SDCBP2: variants seen among roughly 807,000 people sequenced by gnomAD.
SDCBP2 encodes syntenin-2.
A neutral mutation model predicts 30.7 loss-of-function variants in SDCBP2; 28 were observed. That is an observed-to-expected ratio of 0.91 (90% CI 0.68 to 1.25). The LOEUF is 1.25. SDCBP2 is among the 50% of genes most tolerant of loss of function. The pLI, the probability that SDCBP2 is intolerant of heterozygous loss-of-function variation, is 0.00. For missense variants in SDCBP2, 399 were observed against 379.0 expected (o/e 1.05, Z -0.44); for synonymous variants, 166 against 157.3 (o/e 1.06, Z -0.41).
intron 4 of SDCBP2, chr20:1,317,861 T>G: frequency 3.1e-6 from 1 of 326,174 alleles, no homozygotes; most frequent in Non-Finnish European, 6.0e-6. Context: ...AAATATGTTT[T>G]CAGTGGCATA....
At chr20:1,326,469 C>T (rs991100848) in intron 1 of SDCBP2, among the ~76,000 whole-genome samples, 1 of 152,222 alleles carries the variant, frequency 6.6e-6, no homozygotes, top group Non-Finnish European at 1.5e-5. Context: ...TAGGTTGAGT[C>T]CTAAAAGTCA....
In SDCBP2 at chr20:1,320,319, G is replaced by A; in HGVS notation, c.54+44C>T. The A allele has an allele frequency of 6.3e-7, 1 of 1,578,552 alleles. No individual in the cohort carries two copies. Among genetic ancestry groups the A allele is most frequent in the Non-Finnish European group, 8.7e-7 (1 of 1,150,684 alleles). On this transcript the variant is annotated intron_variant, in intron 2 of 8. Coordinates refer to ENST00000360779, the MANE Select transcript of SDCBP2 (RefSeq NM_080489.5). The surrounding 1 kb of genome is among the most constrained non-coding windows in gnomAD (Gnocchi z 4.7). ...CAGCACCTTCCAGGGTAATCCCCAAGGTCCCCTTCAGGGAATCCAGGCCAA... is the reference window on the plus strand; with the variant it reads ...CAGCACCTTCCAGGGTAATCCCCAAAGTCCCCTTCAGGGAATCCAGGCCAA...
chr20:1,327,579 A>G (rs866463721), intron 1 of SDCBP2, among the ~76,000 whole-genome samples: 3 of 152,262 alleles, frequency 2.0e-5, no homozygotes, highest in Non-Finnish European at 4.4e-5. Flanking sequence ...TTCCTCAAGC[A>G]GACACGCCTG....
In SDCBP2 at chr20:1,313,516, C is replaced by T; in HGVS notation, c.226-18G>A. The T allele has an allele frequency of 6.4e-7, 1 of 1,565,584 alleles. No homozygotes were observed. The highest frequency in any genetic ancestry group is 8.6e-7 in the Non-Finnish European group (1 of 1,160,406). ...ACCGCTGTCTGCAGACACCAGGGGG[C>T]AGGGGGTCAGCCCGGCCCGTGGGGA... On this transcript the variant is annotated intron_variant, in intron 4 of 8. Transcript: ENST00000360779. This position sits in a 1 kb window ranked among gnomAD's most constrained non-coding sequence, Gnocchi z 5.2.
In SDCBP2 at chr20:1,318,341, G is replaced by C. The variant is rs2088808520; in HGVS notation, c.202C>G (p.Leu68Val). Reference protein sequence around the residue: ...LSSQEVQESLLQIPEGDSTAV... With the variant: ...LSSQEVQESLVQIPEGDSTAV... Reference sequence around the variant, plus strand: ...ACACTGTCACCCTCTGGAATCTGAAGCAGGCTCTCCTGGACTTCTTGGCTG... The same window carrying C: ...ACACTGTCACCCTCTGGAATCTGAACCAGGCTCTCCTGGACTTCTTGGCTG... Residue 68 changes from leucine (L) to valine (V), a missense_variant, in exon 4 of 9, where the codon CTT becomes GTT. Transcript: ENST00000360779. 7 of 1,613,696 alleles carry C rather than the reference G, an allele frequency of 4.3e-6. No homozygotes were observed. The highest frequency in any genetic ancestry group is 5.9e-6 in the Non-Finnish European group (7 of 1,179,672).
In SDCBP2 at chr20:1,312,496, C is replaced by A. The variant is rs1359905292; in HGVS notation, c.573G>T (p.Arg191=). ...TGCTGTCCTTGTGCATGGTGACAGT[C>A]CGCTGGAACGGCCTGGCAGGAGGGA... is the stretch of plus-strand genomic sequence containing the variant. ...VVVVRDRPFQ[R]TVTMHKDSMG... is the part of the protein sequence containing the mutation. Residue 191 remains arginine, a synonymous_variant, in exon 7 of 9, where the codon CGG becomes CGT. Transcript: ENST00000360779. 1 of 1,614,158 alleles carries A rather than the reference C, an allele frequency of 6.2e-7. No homozygotes were observed. The highest frequency in any genetic ancestry group is 1.7e-5 in the Admixed American group (1 of 60,024).
chr20:1,314,548 G>T (rs1419647620), intron 4 of SDCBP2, among the ~76,000 whole-genome samples: 1 of 52,814 alleles, frequency 1.9e-5, no homozygotes, highest in Non-Finnish European at 3.9e-5. Context: ...GAAAGGAAAA[G>T]AAAAGAAAAG....
chr20:1,317,471 A>C (rs2088794358), intron 4 of SDCBP2: 1 of 152,310 alleles, frequency 6.6e-6, no homozygotes, highest in Non-Finnish European at 1.5e-5. Context: ...TATAGGAACA[A>C]AGAGTGATGA....
At position 1,318,426 on chromosome 20, in the gene SDCBP2, G is replaced by A. The variant is rs757328721; in HGVS notation, c.125-8C>T. On this transcript the variant is annotated splice_polypyrimidine_tract_variant and splice_region_variant and intron_variant, in intron 3 of 8. Coordinates refer to ENST00000360779, the MANE Select transcript of SDCBP2 (RefSeq NM_080489.5). ...CCAAGTTTGGGTACAAAACTGATAG[G>A]GAAAGAAGGAAGAATAAATGTGTCA... is the stretch of plus-strand genomic sequence containing the variant. 1.9e-4 allele frequency: 300 copies of A among 1,547,160 alleles called. 5 individuals carry two copies. The South Asian group carries it at 3.2e-3, about 17-fold the overall frequency.
intron 1 of SDCBP2, chr20:1,322,289 TC>T (rs1457963735): frequency 6.6e-6 from 1 of 152,252 alleles, no homozygotes; most frequent in Non-Finnish European, 1.5e-5. Flanking sequence ...CTGCTCCATG[TC>T]CTACTCCTGT....
chr20:1,310,464 C>T lies in SDCBP2; in HGVS notation c.856G>A (p.Asp286Asn). ...LPPVLLHHTMDHSIPDA is the reference protein window; with the variant it reads ...LPPVLLHHTMNHSIPDA ...CTTCAGGCATCTGGGATGGAGTGGT[C>T]CATGGTGTGGTGGAGCAGGACTGGA... Residue 286 changes from aspartate to asparagine, a missense_variant, in exon 9 of 9, where the codon GAC (aspartate) becomes AAC (asparagine). Asp to Asn is a conservative substitution (Grantham distance 23). Coordinates refer to ENST00000360779, the MANE Select transcript of SDCBP2 (RefSeq NM_080489.5). 2 of 1,613,656 alleles carry T rather than the reference C, an allele frequency of 1.2e-6. No individual in the cohort carries two copies. The highest frequency in any genetic ancestry group is 1.7e-6 in the Non-Finnish European group (2 of 1,179,978).
intron 1 of SDCBP2, chr20:1,325,657 C>T (rs2088913561): frequency 6.6e-6 from 1 of 152,206 alleles, no homozygotes; most frequent in Non-Finnish European, 1.5e-5. Flanking sequence ...TTTGTAGCCT[C>T]TGAAGGAGGA....
Position 1,320,272 on chromosome 20 carries a change from A to G in SDCBP2, c.54+91T>C. The G allele has an allele frequency of 8.4e-7, 1 of 1,186,224 alleles. No individual in the cohort carries two copies. The highest frequency in any genetic ancestry group is 1.2e-6 in the Non-Finnish European group (1 of 818,796). The allele number at this position is 1,186,224 out of a possible 1,614,324, so 73.5% of individuals were successfully genotyped here. On this transcript the variant is annotated intron_variant, in intron 2 of 8. Transcript: ENST00000360779. This position sits in a 1 kb window ranked among gnomAD's most constrained non-coding sequence, Gnocchi z 4.7. ...CCTACATGCCCTGAGGCCTACGGGAATCTCCAAGTGGCCCCAGTACCCAGC... is the reference window on the plus strand; with the variant it reads ...CCTACATGCCCTGAGGCCTACGGGAGTCTCCAAGTGGCCCCAGTACCCAGC...
chr20:1,310,460 T>A lies in SDCBP2; in HGVS notation c.860A>T (p.His287Leu), dbSNP rs201959011. The change falls in exon 9 of 9, where the codon CAC becomes CTC. Residue 287 changes from histidine to leucine, a missense_variant. Coordinates refer to ENST00000360779, the MANE Select transcript of SDCBP2 (RefSeq NM_080489.5). ...GTGGCTTCAGGCATCTGGGATGGAG[T>A]GGTCCATGGTGTGGTGGAGCAGGAC... ...PPVLLHHTMD[H>L]SIPDA 1.4e-5 allele frequency: 22 copies of A among 1,613,214 alleles called. No homozygotes were observed. In the East Asian group the frequency reaches 4.7e-4, roughly 34 times the overall value.
chr20:1,313,466 C>A lies in SDCBP2; in HGVS notation c.258G>T (p.Met86Ile). 1 of 1,598,932 alleles carries A rather than the reference C, an allele frequency of 6.3e-7. No individual in the cohort carries two copies. Among genetic ancestry groups the A allele is most frequent in the East Asian group, 2.3e-5 (1 of 44,408 alleles). Residue 86 changes from methionine to isoleucine, a missense_variant, in exon 5 of 9, where the codon ATG becomes ATT. Coordinates refer to ENST00000360779, the MANE Select transcript of SDCBP2 (RefSeq NM_080489.5). The surrounding 1 kb of genome is among the most constrained non-coding windows in gnomAD (Gnocchi z 5.2). ...TAVSGPGPGQMVAPVTGYSLG... is the reference protein window; with the variant it reads ...TAVSGPGPGQIVAPVTGYSLG... ...GGCTGTACCCGGTTACCGGTGCCACCATCTGGCCGGGCCCGGGGCCCGAGA... is the reference window on the plus strand; with the variant it reads ...GGCTGTACCCGGTTACCGGTGCCACAATCTGGCCGGGCCCGGGGCCCGAGA...
Position 1,310,176 on chromosome 20 carries a change from C to G in SDCBP2, c.*265G>C. ...GCGACTTTAAGCAGCGTTTAAACAG[C>G]CTGCCTCCGTGTCCAGCATTTAAAT... On this transcript the variant is annotated 3_prime_UTR_variant, in exon 9 of 9. Transcript: ENST00000360779. 1 of 385,848 alleles carries G rather than the reference C, an allele frequency of 2.6e-6. No homozygotes were observed. Among genetic ancestry groups the G allele is most frequent in the South Asian group, 6.4e-5 (1 of 15,544 alleles). 23.9% of individuals were successfully genotyped at this position (385,848 alleles called of 1,614,324 possible).
rs1433858481 is a variant in SDCBP2, at chr20:1,313,882, A to T, written c.226-384T>A. Among the ~76,000 whole-genome samples, 1 of 148,834 alleles carries T rather than the reference A, an allele frequency of 6.7e-6. No homozygotes were observed. The highest frequency in any genetic ancestry group is 1.5e-5 in the Non-Finnish European group (1 of 67,538). On this transcript the variant is annotated intron_variant, in intron 4 of 8. Transcript: ENST00000360779. The surrounding 1 kb of genome is among the most constrained non-coding windows in gnomAD (Gnocchi z 5.2). ...GATTTTTGTCTTGAGAAAAATGTAA[A>T]AATATACAAATTCATGATGCAGAAA...
chr20:1,319,905 A>G (rs1600282731), intron 2 of SDCBP2, among the ~76,000 whole-genome samples: 1 of 152,340 alleles, frequency 6.6e-6, no homozygotes. Context: ...ACTGCCTGCA[A>G]CAGGCAGAAC....
chr20:1,324,913 C>A lies in SDCBP2; in HGVS notation c.-20+4172G>T, dbSNP rs771493638. ...GGGTACAAGCGTGATCGGGTGTAAG[C>A]CAGCCTCAGCTTTTACAAAGTGAAA... On this transcript the variant is annotated intron_variant, in intron 1 of 8. Transcript: ENST00000360779. This position sits in a 1 kb window ranked among gnomAD's most constrained non-coding sequence, Gnocchi z 4.7. Among the ~76,000 whole-genome samples, 12 of 152,198 alleles carry A rather than the reference C, an allele frequency of 7.9e-5. No homozygotes were observed. The highest frequency in any genetic ancestry group is 1.6e-4 in the Non-Finnish European group (11 of 68,038).
Sources: allele counts gnomAD v4.1 joint callset (sites outside exome capture counted in the v4.1 genomes callset), GRCh38; gene constraint gnomAD v4.1.1; non-coding constraint Gnocchi (gnomAD v3.1); transcripts MANE v1.5; gene names NCBI Gene and HGNC (gene_info 2026-07-23, HGNC 2026-07-21).